STXBP5: variants seen among roughly 807,000 people sequenced by gnomAD.
The protein encoded by STXBP5 is syntaxin binding protein 5, also known as syntaxin-binding protein 5.
In STXBP5, 50 loss-of-function variants were observed where a neutral mutation model predicts 152.4. That is an observed-to-expected ratio of 0.33 (90% CI 0.26 to 0.42). The LOEUF (loss-of-function observed/expected upper bound fraction) is 0.42, where lower values mean the gene tolerates loss of function less well. Among genes scored for constraint, STXBP5 ranks in the 10% least tolerant of loss-of-function variants. The pLI is 1.00. For synonymous variants in STXBP5, 492 were observed against 494.7 expected (o/e 0.99, Z 0.07); for missense variants, 1,167 against 1,388.6 (o/e 0.84, Z 2.54).
intron 26 of STXBP5, among the ~76,000 whole-genome samples, chr6:147,374,530 G>C (rs889136993): frequency 1.3e-5 from 2 of 152,152 alleles, no homozygotes; most frequent in African/African-American, 4.8e-5. Flanking sequence ...AATGAAGACT[G>C]TTCAAGTCAG....
chr6:147,280,453 A>T (rs939310143), intron 8 of STXBP5, among the ~76,000 whole-genome samples: 1 of 152,162 alleles, frequency 6.6e-6, no homozygotes. Flanking sequence ...ATTATTAAAA[A>T]GGTTTTCTTT....
At chr6:147,341,029 C>T (rs1158238321) in intron 21 of STXBP5, among the ~76,000 whole-genome samples, 1 of 152,018 alleles carries the variant, frequency 6.6e-6, no homozygotes, top group African/African-American at 2.4e-5. Flanking sequence ...TATTTTTAAA[C>T]CTCAGGAAGC....
At chr6:147,331,957 C>A (rs746603326) in intron 18 of STXBP5, among the ~76,000 whole-genome samples, 11 of 152,144 alleles carry the variant, frequency 7.2e-5, no homozygotes, top group Non-Finnish European at 1.3e-4. Context: ...ATAATACTAT[C>A]TACTTCATTT....
intron 25 of STXBP5, among the ~76,000 whole-genome samples, chr6:147,365,031 A>G (rs1396343028): frequency 1.4e-4 from 21 of 152,192 alleles, no homozygotes; most frequent in Admixed American, 1.4e-3. Flanking sequence ...TAGAAGTGGT[A>G]TCTCAGAGGA....
chr6:147,281,325 T>TG (rs781168411), intron 8 of STXBP5, among the ~76,000 whole-genome samples: 7 of 152,330 alleles, frequency 4.6e-5, no homozygotes, highest in Admixed American at 2.6e-4. Context: ...CCCAAAGTGC[T>TG]GGGATTACAG....
intron 2 of STXBP5, among the ~76,000 whole-genome samples, chr6:147,213,430 ATATATG>A (rs1262730819): frequency 1.1e-3 from 73 of 68,430 alleles, no homozygotes; most frequent in African/African-American, 2.9e-3. Context: ...ACATAATTTT[ATATATG>A]TGTGTGTGTG....
intron 2 of STXBP5, among the ~76,000 whole-genome samples, chr6:147,223,546 T>G (rs1777562264): frequency 6.6e-6 from 1 of 152,170 alleles, no homozygotes; most frequent in Non-Finnish European, 1.5e-5. Context: ...AAATAGATTA[T>G]TTAGGGAAGG....
intron 9 of STXBP5, among the ~76,000 whole-genome samples, chr6:147,305,389 T>A (rs1042266082): frequency 2.6e-5 from 4 of 152,208 alleles, no homozygotes; most frequent in African/African-American, 7.2e-5. Context: ...CTCTCAGCCC[T>A]TCTATTAAAG....
intron 25 of STXBP5, among the ~76,000 whole-genome samples, chr6:147,364,452 C>T (rs1785202714): frequency 6.6e-6 from 1 of 152,152 alleles, no homozygotes; most frequent in South Asian, 2.1e-4. Flanking sequence ...CTACTCTCTA[C>T]ATAGAATAAA....
intron 27 of STXBP5, among the ~76,000 whole-genome samples, chr6:147,383,860 G>A (rs1268936730): frequency 6.6e-6 from 1 of 152,032 alleles, no homozygotes; most frequent in African/African-American, 2.4e-5. Context: ...TGACCTGGAA[G>A]ATACTTGTCT....
At chr6:147,211,126 G>A (rs1194891503) in intron 2 of STXBP5, among the ~76,000 whole-genome samples, 6 of 152,054 alleles carry the variant, frequency 3.9e-5, no homozygotes, top group Non-Finnish European at 2.9e-5. Context: ...CCTGACCAAC[G>A]TGGTGGAACC....
chr6:147,319,238 C>T (rs973110523), intron 16 of STXBP5, among the ~76,000 whole-genome samples: 1 of 151,970 alleles, frequency 6.6e-6, no homozygotes, highest in African/African-American at 2.4e-5. Flanking sequence ...TGAGTTTTTA[C>T]ATTACTATAT....
intron 16 of STXBP5, among the ~76,000 whole-genome samples, chr6:147,324,263 G>GTTTTTTTTTTTTTTTTTTTTTTTTTTTT (rs764684701): frequency 1.2e-5 from 1 of 85,038 alleles, no homozygotes; most frequent in African/African-American, 4.5e-5. Flanking sequence ...GTTTTTTTTT[G>GTTTTTTTTTTTTTTTTTTTTTTTTTTTT]GTTTTTTTTT....
Position 147,263,342 on chromosome 6 carries a change from CT to C in STXBP5, c.630+1008del, listed in dbSNP as rs1029110765. On this transcript the variant is annotated intron_variant, in intron 6 of 27. Coordinates refer to ENST00000321680, the MANE Select transcript of STXBP5 (RefSeq NM_001127715.4). ...CTTTTGCTTTTCTTTTTCTTTCTTT[CT>C]TTTTTTTTTTTTTTTTTTAAATTTT... Among the ~76,000 whole-genome samples the C allele has an allele frequency of 5.9e-3, 764 of 128,790 alleles. 1 individual carries two copies. The highest frequency in any genetic ancestry group is 9.8e-3 in the African/African-American group (348 of 35,582). 84.5% of individuals were successfully genotyped at this position (128,790 alleles called of 152,430 possible).
At position 147,389,890 on chromosome 6, in the gene STXBP5, A is replaced by G. The variant is rs776831654; in HGVS notation, c.*5135A>G. The G allele has an allele frequency of 6.6e-6, 1 of 151,748 alleles. No individual in the cohort carries two copies. Among genetic ancestry groups the G allele is most frequent in the Non-Finnish European group, 1.5e-5 (1 of 67,812 alleles). 9.4% of individuals were successfully genotyped at this position (151,748 alleles called of 1,614,324 possible). ...ACTTTAGGTGTGACCTCTATTCCAC[A>G]TGATAGTTAGAACCAGAAAAACACT... On this transcript the variant is annotated 3_prime_UTR_variant, in exon 28 of 28. Coordinates refer to ENST00000321680, the MANE Select transcript of STXBP5 (RefSeq NM_001127715.4).
At chr6:147,317,671 T>C (rs1156994083) in intron 16 of STXBP5, among the ~76,000 whole-genome samples, 2 of 152,148 alleles carry the variant, frequency 1.3e-5, no homozygotes, top group Non-Finnish European at 2.9e-5. Flanking sequence ...CTCAGAAAGG[T>C]ATCAAGTTTT....
At chr6:147,218,474 T>A (rs868190994) in intron 2 of STXBP5, among the ~76,000 whole-genome samples, 63 of 152,256 alleles carry the variant, frequency 4.1e-4, no homozygotes, top group African/African-American at 1.4e-3. Context: ...TGAATGACTA[T>A]GTTTTTTGGT....
At chr6:147,325,136 C>T in intron 17 of STXBP5, 52 bp downstream of exon 17, 1 of 1,344,582 alleles carries the variant, frequency 7.4e-7, no homozygotes, top group South Asian at 2.3e-5. Context: ...TTCCATATGT[C>T]ATTTTGTTTT....
At chr6:147,282,229 A>G (rs1030320940) in intron 8 of STXBP5, among the ~76,000 whole-genome samples, 8 of 152,198 alleles carry the variant, frequency 5.3e-5, no homozygotes, top group Non-Finnish European at 7.3e-5. Flanking sequence ...CGTTTGGTGG[A>G]AAAGGTATGT....
Sources: gnomAD v4.1 joint callset for allele counts (sites outside exome capture counted in the v4.1 genomes callset) on GRCh38, gnomAD v4.1.1 for gene constraint, MANE v1.5 for transcripts, NCBI Gene and HGNC (gene_info 2026-07-23, HGNC 2026-07-21) for gene names.